The following DOCK5 variants were observed in gnomAD, a reference collection of about 807,000 sequenced individuals.
DOCK5 encodes the protein dedicator of cytokinesis protein 5.
DOCK5 carries 142 observed loss-of-function variants against 251.8 expected under a neutral mutation model. That is an observed-to-expected ratio of 0.56 (90% CI 0.49 to 0.65). The LOEUF is 0.65. Ranked by LOEUF, DOCK5 falls within the 30% of genes least tolerant of loss-of-function variation. The pLI, the probability that DOCK5 is intolerant of heterozygous loss-of-function variation, is 0.00. For synonymous variants in DOCK5, 842 were observed against 835.5 expected, an observed-to-expected ratio of 1.01 and a Z score of -0.13; for missense variants, 2,111 against 2,312.3, an observed-to-expected ratio of 0.91 and a Z score of 1.79.
At chr8:25,279,422 G>C (rs991934498) in intron 5 of DOCK5, among the ~76,000 whole-genome samples, 2 of 151,888 alleles carry the variant, frequency 1.3e-5, no homozygotes, top group Non-Finnish European at 2.9e-5. Context: ...AAAGTCTATT[G>C]GCAGCAAGTC....
rs548684296 is a variant in DOCK5, at chr8:25,361,810, A to C, written c.2950-1237A>C. ...GCCGTTCAGCATCCAAAGTATAGGA[A>C]GTTACCCAGCTTGACCAGCATCTCA... On this transcript the variant is annotated intron_variant, in intron 28 of 51. Transcript: ENST00000276440. 5.3e-5 allele frequency among the ~76,000 whole-genome samples: 8 copies of C among 152,240 alleles called. No individual in the cohort carries two copies. The South Asian group carries it at 1.7e-3, about 32-fold the overall frequency.
intron 26 of DOCK5, among the ~76,000 whole-genome samples, chr8:25,346,963 A>G (rs1800381650): frequency 6.6e-6 from 1 of 152,132 alleles, no homozygotes; most frequent in Non-Finnish European, 1.5e-5. Context: ...CGAACAGTTG[A>G]GGGCTGAGAA....
At position 25,411,856 on chromosome 8, in the gene DOCK5, T is replaced by C. The variant is rs1801636895; in HGVS notation, c.*558T>C. On this transcript the variant is annotated 3_prime_UTR_variant, in exon 52 of 52. Transcript: ENST00000276440. Reference sequence around the variant, plus strand: ...CTTTGAGGAAAAGAACACACATTTTTAATGGAGATTGGCTGCTTTCAGGTA... The same window carrying C: ...CTTTGAGGAAAAGAACACACATTTTCAATGGAGATTGGCTGCTTTCAGGTA... 1 of 152,204 alleles carries C rather than the reference T, an allele frequency of 6.6e-6. No homozygotes were observed. The highest frequency in any genetic ancestry group is 2.1e-4 in the South Asian group (1 of 4,836). 9.4% of individuals were successfully genotyped at this position (152,204 alleles called of 1,614,324 possible).
intron 13 of DOCK5, among the ~76,000 whole-genome samples, chr8:25,316,260 G>A (rs1410569659): frequency 6.6e-6 from 1 of 152,122 alleles, no homozygotes; most frequent in Non-Finnish European, 1.5e-5. Flanking sequence ...TGGGCAGATT[G>A]CTTGAGTCCA....
intron 1 of DOCK5, among the ~76,000 whole-genome samples, chr8:25,205,408 G>A (rs1215647254): frequency 6.6e-6 from 1 of 152,186 alleles, no homozygotes; most frequent in Non-Finnish European, 1.5e-5. Flanking sequence ...AGCCCCCAGA[G>A]CTGTTAGAAA....
At chr8:25,278,526 TG>T in intron 4 of DOCK5, 42 bp from the exon 5 acceptor site, 3 of 1,581,806 alleles carry the variant, frequency 1.9e-6, no homozygotes, top group Non-Finnish European at 2.6e-6. Flanking sequence ...AAAGCAGTGC[TG>T]ATCAGCCTAG....
chr8:25,326,601 G>A (rs572904403), intron 18 of DOCK5, among the ~76,000 whole-genome samples: 38 of 152,264 alleles, frequency 2.5e-4, no homozygotes, highest in African/African-American at 8.2e-4. Flanking sequence ...TGGACAAAGC[G>A]AATCCATTAA....
At position 25,248,704 on chromosome 8, in the gene DOCK5, T is replaced by C. The variant is rs549978591; in HGVS notation, c.127+4947T>C. ...GTTGGCTGAAAAATTTCAGAAAGTA[T>C]TGGCTCCTTGAAGGCAAAGCCTGTT... On this transcript the variant is annotated intron_variant, in intron 2 of 51. Transcript: ENST00000276440. 2.2e-4 allele frequency among the ~76,000 whole-genome samples: 34 copies of C among 152,310 alleles called. No homozygotes were observed. In the South Asian group the frequency reaches 6.8e-3, roughly 31 times the overall value.
At chr8:25,386,628 A>G (rs915497489) in intron 40 of DOCK5, among the ~76,000 whole-genome samples, 4 of 152,124 alleles carry the variant, frequency 2.6e-5, no homozygotes, top group Non-Finnish European at 4.4e-5. Flanking sequence ...GAAAGAGTGT[A>G]GGGTCTAAAT....
chr8:25,325,218 C>G (rs1805533040), intron 17 of DOCK5, 146 bp from the exon 18 acceptor site: 1 of 747,378 alleles, frequency 1.3e-6, no homozygotes, highest in Non-Finnish European at 2.2e-6. Flanking sequence ...AGAAAGATAT[C>G]AGAGTATCTC....
Position 25,374,560 on chromosome 8 carries a change from C to G in DOCK5, c.3726-4C>G, listed in dbSNP as rs769233945. On this transcript the variant is annotated splice_region_variant and splice_polypyrimidine_tract_variant and intron_variant, in intron 36 of 51. Transcript: ENST00000276440. ...AAAATGCTTCCTTCTCCCCTTCTTG[C>G]CAGATATCTGTACAAGCTTCGAGAT... 1 of 1,596,736 alleles carries G rather than the reference C, an allele frequency of 6.3e-7. No individual in the cohort carries two copies. The highest frequency in any genetic ancestry group is 8.5e-7 in the Non-Finnish European group (1 of 1,174,482).
At chr8:25,317,394 C>A in intron 14 of DOCK5, 1 of 325,766 alleles carries the variant, frequency 3.1e-6, no homozygotes, top group Non-Finnish European at 5.7e-6. Context: ...GTGTAAGCTT[C>A]CAATGCAGAT....
At chr8:25,340,792 GGAGAA>G in intron 22 of DOCK5, 80 bp from the exon 23 acceptor site, 3 of 1,047,284 alleles carry the variant, frequency 2.9e-6, no homozygotes, top group Non-Finnish European at 4.3e-6. Context: ...ATACGATGAA[GGAGAA>G]GTGAGGGAGG....
In DOCK5 at chr8:25,380,388, C is replaced by A. The variant is rs980519407; in HGVS notation, c.4020C>A (p.Asn1340Lys). 1.9e-5 allele frequency: 31 copies of A among 1,607,596 alleles called. No individual in the cohort carries two copies. Among genetic ancestry groups the A allele is most frequent in the Non-Finnish European group, 8.5e-7 (1 of 1,176,800 alleles). The change falls in exon 39 of 52, where the codon AAC becomes AAA. Residue 1340 changes from asparagine to lysine, a missense_variant. Around this residue, in one of 3 missense-constraint regions of DOCK5, gnomAD observed 1,717 missense variants for 1,892.4 expected, o/e 0.91. Coordinates refer to ENST00000276440, the MANE Select transcript of DOCK5 (RefSeq NM_024940.8). ...TATTTGACTACGAGGGCCTTGGCAA[C>A]CTCCTGGTGAGTCTGGGTCAAAATA... Reference protein sequence around the residue: ...SKVFDYEGLGNLLKKRASFYE... With the variant: ...SKVFDYEGLGKLLKKRASFYE...
intron 45 of DOCK5, among the ~76,000 whole-genome samples, chr8:25,397,107 A>G (rs1216468262): frequency 6.6e-6 from 1 of 152,012 alleles, no homozygotes; most frequent in Non-Finnish European, 1.5e-5. Context: ...CTGTAATCTC[A>G]GGTACTGGAG....
intron 13 of DOCK5, among the ~76,000 whole-genome samples, chr8:25,315,890 T>C (rs189567055): frequency 6.6e-6 from 1 of 152,352 alleles, no homozygotes; most frequent in Admixed American, 6.5e-5. Flanking sequence ...GCTCTAAATA[T>C]GCACTCCTGT....
intron 40 of DOCK5, among the ~76,000 whole-genome samples, chr8:25,385,825 G>A (rs1047690358): frequency 4.6e-5 from 7 of 152,174 alleles, no homozygotes; most frequent in African/African-American, 1.2e-4. Flanking sequence ...AGAGAGGCAG[G>A]TGTTGGGGAT....
At chr8:25,359,089 C>T (rs1409885252) in intron 28 of DOCK5, 28 bp downstream of exon 28, 1 of 1,586,852 alleles carries the variant, frequency 6.3e-7, no homozygotes, top group Admixed American at 1.7e-5. Flanking sequence ...GTCCTGGTAA[C>T]CTGAAGACTT....
intron 13 of DOCK5, among the ~76,000 whole-genome samples, chr8:25,315,955 G>A (rs562995852): frequency 6.6e-6 from 1 of 152,312 alleles, no homozygotes; most frequent in East Asian, 1.9e-4. Flanking sequence ...GTTTAATATA[G>A]TGCAGGTGTT....
Sources: allele counts gnomAD v4.1 joint callset (sites outside exome capture counted in the v4.1 genomes callset), GRCh38; gene constraint gnomAD v4.1.1; regional missense constraint gnomAD v4.1.1; transcripts MANE v1.5; gene names NCBI Gene and HGNC (gene_info 2026-07-23, HGNC 2026-07-21).